SUPT3H: variants seen among roughly 807,000 people sequenced by gnomAD.
The protein encoded by SUPT3H is SPT3 homolog, SAGA and STAGA complex component.
Under a neutral mutation model 44.3 loss-of-function variants are expected in SUPT3H, and 44 were observed. The ratio of observed to expected loss-of-function variants is 0.99; its 90% CI spans 0.78 to 1.28. The LOEUF is 1.28. SUPT3H is among the 50% of genes most tolerant of loss of function. The pLI is 0.00. For missense variants in SUPT3H, 380 were observed against 387.1 expected, an observed-to-expected ratio of 0.98 and a Z score of 0.15; for synonymous variants, 124 against 125.6, an observed-to-expected ratio of 0.99 and a Z score of 0.09.
At chr6:45,268,766 T>C (rs1775666197) in intron 2 of SUPT3H, among the ~76,000 whole-genome samples, 1 of 152,222 alleles carries the variant, frequency 6.6e-6, no homozygotes, top group South Asian at 2.1e-4. Flanking sequence ...GAAGAATGTG[T>C]GATAGTTTCT....
At chr6:45,225,308 A>T (rs1386921151) in intron 2 of SUPT3H, among the ~76,000 whole-genome samples, 1 of 151,668 alleles carries the variant, frequency 6.6e-6, no homozygotes, top group South Asian at 2.1e-4. Context: ...CAATAAAAAT[A>T]TACAATCTAT....
intron 2 of SUPT3H, among the ~76,000 whole-genome samples, chr6:45,363,141 T>C (rs1794553462): frequency 6.6e-6 from 1 of 152,172 alleles, no homozygotes; most frequent in South Asian, 2.1e-4. Flanking sequence ...GGCCATATAG[T>C]CTCTGTCGCA....
At chr6:44,877,061 A>G (rs1215384335) in intron 10 of SUPT3H, among the ~76,000 whole-genome samples, 1 of 152,200 alleles carries the variant, frequency 6.6e-6, no homozygotes, top group Non-Finnish European at 1.5e-5. Flanking sequence ...TTGCTTTTAA[A>G]TATCTTATCC....
chr6:45,120,351 G>A (rs1232301919), intron 2 of SUPT3H, among the ~76,000 whole-genome samples: 2 of 144,024 alleles, frequency 1.4e-5, no homozygotes, highest in South Asian at 2.2e-4. Flanking sequence ...TTGGGAGGTC[G>A]AGGAGGGAGG....
intron 2 of SUPT3H, among the ~76,000 whole-genome samples, chr6:45,257,576 T>G (rs1335003729): frequency 6.6e-6 from 1 of 152,182 alleles, no homozygotes; most frequent in Non-Finnish European, 1.5e-5. Context: ...TGTGCTACTA[T>G]AACAGATTAC....
intron 10 of SUPT3H, among the ~76,000 whole-genome samples, chr6:44,921,715 T>C (rs952505229): frequency 3.9e-5 from 6 of 152,222 alleles, no homozygotes; most frequent in Admixed American, 6.5e-5. Context: ...ATCAGGAATA[T>C]AGAGTGAAAT....
intron 9 of SUPT3H, among the ~76,000 whole-genome samples, chr6:44,949,876 G>A (rs1774011425): frequency 6.6e-6 from 1 of 152,144 alleles, no homozygotes; most frequent in African/African-American, 2.4e-5. Flanking sequence ...AAAAAAGTCT[G>A]TTTCTTTAAA....
chr6:44,815,605 G>A (rs1040527636), intron 11 of SUPT3H, among the ~76,000 whole-genome samples: 2 of 151,888 alleles, frequency 1.3e-5, no homozygotes, highest in Admixed American at 6.6e-5. Flanking sequence ...ATGCTAAAGG[G>A]GACAATTAAT....
At chr6:45,298,504 TC>T (rs1260801060) in intron 2 of SUPT3H, among the ~76,000 whole-genome samples, 5 of 151,934 alleles carry the variant, frequency 3.3e-5, no homozygotes, top group Admixed American at 2.6e-4. Flanking sequence ...TGAAGAATAT[TC>T]ATTAAAATGT....
chr6:45,063,838 G>A (rs1240218489), intron 3 of SUPT3H, among the ~76,000 whole-genome samples: 6 of 142,428 alleles, frequency 4.2e-5, no homozygotes, highest in Non-Finnish European at 9.1e-5. Flanking sequence ...TCTGATTGGT[G>A]TACCTGAAAG....
chr6:45,132,169 A>C (rs1803569744), intron 2 of SUPT3H, among the ~76,000 whole-genome samples: 1 of 152,176 alleles, frequency 6.6e-6, no homozygotes, highest in South Asian at 2.1e-4. Flanking sequence ...TAAGAGGAGG[A>C]CTACTATATT....
At position 45,282,147 on chromosome 6, in the gene SUPT3H, G is replaced by A. The variant is rs975796304; in HGVS notation, c.101+83054C>T. Among the ~76,000 whole-genome samples, 8 of 152,258 alleles carry A rather than the reference G, an allele frequency of 5.3e-5. 1 individual carries two copies. The East Asian group carries it at 1.5e-3, about 29-fold the overall frequency. ...ACCACAAAAATGGGGAAAAAACAGA[G>A]CAGAAAAACTGGAAATTCTAAAAAT... On this transcript the variant is annotated intron_variant, in intron 2 of 10. Coordinates refer to ENST00000371459, the MANE Select transcript of SUPT3H (RefSeq NM_003599.4).
intron 10 of SUPT3H, among the ~76,000 whole-genome samples, chr6:44,876,956 C>A (rs189948319): frequency 6.6e-6 from 1 of 151,688 alleles, no homozygotes. Flanking sequence ...ATGTTTGTAA[C>A]CTACTTAGAA....
intron 2 of SUPT3H, chr6:45,328,566 A>G (rs539747093): frequency 6.1e-5 from 97 of 1,580,878 alleles, no homozygotes; most frequent in Non-Finnish European, 7.9e-5. Flanking sequence ...TACCAGCTAC[A>G]TAATTTCTTG....
intron 2 of SUPT3H, among the ~76,000 whole-genome samples, chr6:45,333,534 A>G (rs1429580900): frequency 6.6e-6 from 1 of 151,564 alleles, no homozygotes; most frequent in African/African-American, 2.4e-5. Context: ...ACATGTTATC[A>G]AACACTTTAG....
At chr6:45,005,803 T>C (rs1322073512) in intron 5 of SUPT3H, among the ~76,000 whole-genome samples, 1 of 152,162 alleles carries the variant, frequency 6.6e-6, no homozygotes, top group Non-Finnish European at 1.5e-5. Context: ...ACAGATGGAA[T>C]GGATCCTATC....
At chr6:45,287,144 A>T (rs1438916015) in intron 2 of SUPT3H, among the ~76,000 whole-genome samples, 6 of 152,132 alleles carry the variant, frequency 3.9e-5, no homozygotes, top group African/African-American at 1.4e-4. Context: ...CTAATGTTAA[A>T]TGACGAGTTA....
intron 2 of SUPT3H, among the ~76,000 whole-genome samples, chr6:45,336,717 T>A (rs1184029011): frequency 6.6e-6 from 1 of 151,366 alleles, no homozygotes; most frequent in Non-Finnish European, 1.5e-5. Context: ...TAATAAAGTA[T>A]TTACTTACAA....
At chr6:45,374,716 T>C (rs547669399) in intron 1 of SUPT3H, among the ~76,000 whole-genome samples, 2 of 152,260 alleles carry the variant, frequency 1.3e-5, no homozygotes, top group Admixed American at 6.5e-5. Context: ...TTGACTGACA[T>C]AGACTACCAT....
Sources: gnomAD v4.1 joint callset for allele counts (sites outside exome capture counted in the v4.1 genomes callset) on GRCh38, gnomAD v4.1.1 for gene constraint, MANE v1.5 for transcripts, NCBI Gene and HGNC (gene_info 2026-07-23, HGNC 2026-07-21) for gene names.